PLEKHM3: variants seen among roughly 807,000 people sequenced by gnomAD.
The protein encoded by PLEKHM3 is pleckstrin homology domain-containing family M member 3.
A neutral mutation model predicts 81.8 loss-of-function variants in PLEKHM3; 45 were observed. The observed-to-expected ratio is 0.55, with a 90% CI of 0.43 to 0.71. PLEKHM3 has a LOEUF of 0.71. Among genes scored for constraint, PLEKHM3 ranks in the 30% least tolerant of loss-of-function variants. The pLI, the probability that PLEKHM3 is intolerant of heterozygous loss-of-function variation, is 0.00. For missense variants in PLEKHM3, 788 were observed against 924.3 expected (o/e 0.85, Z 1.91); for synonymous variants, 352 against 356.4 (o/e 0.99, Z 0.14).
chr2:207,958,624 T>C (rs1485666930), intron 3 of PLEKHM3, among the ~76,000 whole-genome samples: 1 of 152,112 alleles, frequency 6.6e-6, no homozygotes, highest in Non-Finnish European at 1.5e-5. Flanking sequence ...TTAAATAAAC[T>C]CTTGACTGGA....
At chr2:207,946,601 A>G (rs1180432089) in intron 3 of PLEKHM3, 89 bp from the exon 4 acceptor site, 4 of 1,484,436 alleles carry the variant, frequency 2.7e-6, no homozygotes, top group Non-Finnish European at 3.6e-6. Context: ...TCACAGAACA[A>G]GGTTATATTT....
chr2:207,859,423 C>T (rs1001235949), intron 7 of PLEKHM3, among the ~76,000 whole-genome samples: 1 of 151,950 alleles, frequency 6.6e-6, no homozygotes, highest in African/African-American at 2.4e-5. Flanking sequence ...CAGGTGTGAG[C>T]CACCACGCCC....
intron 7 of PLEKHM3, among the ~76,000 whole-genome samples, chr2:207,828,906 A>G (rs729187): frequency 0.67 from 102,164 of 152,022 alleles, 34,964 homozygotes; most frequent in African/African-American, 0.79. Context: ...CGTTACATCC[A>G]TGGCGAGGCA....
At chr2:208,018,974 C>T (rs1158464560) in intron 1 of PLEKHM3, among the ~76,000 whole-genome samples, 1 of 151,198 alleles carries the variant, frequency 6.6e-6, no homozygotes, top group Non-Finnish European at 1.5e-5. Context: ...GATTGTGCCA[C>T]TGCATCTCAC....
intron 5 of PLEKHM3, among the ~76,000 whole-genome samples, chr2:207,927,199 T>A (rs1689423264): frequency 6.6e-6 from 1 of 152,064 alleles, no homozygotes; most frequent in Non-Finnish European, 1.5e-5. Context: ...CTGTTTAAAC[T>A]CCCCCACTTT....
intron 3 of PLEKHM3, among the ~76,000 whole-genome samples, chr2:207,965,592 T>C (rs948692493): frequency 6.6e-6 from 1 of 152,240 alleles, no homozygotes. Context: ...CCTACTTATA[T>C]AAAGTGATCA....
rs1691307207 is a variant in PLEKHM3 at position 207,976,326 on chromosome 2, A to G, written c.1546+325T>C. On this transcript the variant is annotated intron_variant, in intron 3 of 7. Transcript: ENST00000427836. The surrounding 1 kb of genome is among the most constrained non-coding windows in gnomAD (Gnocchi z 4.1). ...ATTCACAGTGACCTTTATTCAAGAAAGCAGAGGGAATGGAATCACAGCCGA... is the reference window on the plus strand; with the variant it reads ...ATTCACAGTGACCTTTATTCAAGAAGGCAGAGGGAATGGAATCACAGCCGA... Among the ~76,000 whole-genome samples the G allele has an allele frequency of 6.6e-6, 1 of 152,236 alleles. No individual in the cohort carries two copies. The highest frequency in any genetic ancestry group is 2.1e-4 in the South Asian group (1 of 4,830).
chr2:208,022,404 T>C (rs1405016399), intron 1 of PLEKHM3, among the ~76,000 whole-genome samples: 1 of 152,186 alleles, frequency 6.6e-6, no homozygotes, highest in Non-Finnish European at 1.5e-5. Context: ...GCTCAGAGTC[T>C]CTCACACAAG....
Position 208,001,247 on chromosome 2 carries a change from A to G in PLEKHM3, c.393T>C (p.Arg131=). 6.2e-7 allele frequency: 1 copy of G among 1,614,192 alleles called. No homozygotes were observed. The highest frequency in any genetic ancestry group is 1.1e-5 in the South Asian group (1 of 91,086). The change falls in exon 2 of 8, where the codon CGT becomes CGC. Residue 131 remains arginine (R), a synonymous_variant. Transcript: ENST00000427836. The part of the protein sequence containing the change: ...NICQRRRDRP[R]SVNDLLDETS... Reference sequence around the variant, plus strand: ...TCTCATCCAGTAAGTCATTTACAGAACGAGGCCGGTCCCTCCGACGCTGAC... The same window carrying G: ...TCTCATCCAGTAAGTCATTTACAGAGCGAGGCCGGTCCCTCCGACGCTGAC...
intron 1 of PLEKHM3, among the ~76,000 whole-genome samples, chr2:208,004,476 TA>T (rs1196268261): frequency 6.6e-6 from 1 of 152,128 alleles, no homozygotes; most frequent in East Asian, 1.9e-4. Context: ...GGAATACTTC[TA>T]ACCCACATGG....
intron 3 of PLEKHM3, among the ~76,000 whole-genome samples, chr2:207,952,254 TA>T (rs1318159662): frequency 6.6e-6 from 1 of 152,196 alleles, no homozygotes; most frequent in Non-Finnish European, 1.5e-5. Flanking sequence ...ATGCACTAAG[TA>T]GGGAGAGATG....
At chr2:207,908,691 C>T in intron 5 of PLEKHM3, 114 bp from the exon 6 acceptor site, 3 of 865,090 alleles carry the variant, frequency 3.5e-6, no homozygotes, top group South Asian at 1.7e-5. Flanking sequence ...CCACTTTCCA[C>T]CTATACTTCT....
At chr2:208,000,516 A>G (rs1692260467) in intron 2 of PLEKHM3, among the ~76,000 whole-genome samples, 1 of 152,026 alleles carries the variant, frequency 6.6e-6, no homozygotes, top group African/African-American at 2.4e-5. Context: ...TGGCCCATCT[A>G]TTGTCTCTCA....
chr2:207,872,076 C>A (rs1381299652), intron 6 of PLEKHM3, among the ~76,000 whole-genome samples: 1 of 152,130 alleles, frequency 6.6e-6, no homozygotes, highest in Non-Finnish European at 1.5e-5. Context: ...TGAGCTCTAC[C>A]TAAGATCACC....
At chr2:207,869,874 T>C (rs958114621) in intron 6 of PLEKHM3, 2 of 152,282 alleles carry the variant, frequency 1.3e-5, no homozygotes, top group African/African-American at 4.8e-5. Context: ...ATACACACAT[T>C]TTGCCTCCCT....
At chr2:207,958,824 C>T (rs573423763) in intron 3 of PLEKHM3, among the ~76,000 whole-genome samples, 2 of 152,232 alleles carry the variant, frequency 1.3e-5, no homozygotes, top group East Asian at 1.9e-4. Flanking sequence ...GCAGGAAAAT[C>T]GTTTGAGCCC....
At chr2:207,855,407 C>T (rs1296988956) in intron 7 of PLEKHM3, among the ~76,000 whole-genome samples, 1 of 152,064 alleles carries the variant, frequency 6.6e-6, no homozygotes, top group Non-Finnish European at 1.5e-5. Context: ...TATAAATAAA[C>T]AACTAAAAAA....
chr2:207,955,626 G>A (rs1574440545), intron 3 of PLEKHM3, among the ~76,000 whole-genome samples: 1 of 152,246 alleles, frequency 6.6e-6, no homozygotes, highest in East Asian at 1.9e-4. Context: ...AAGAAACTGA[G>A]GCAGAAGATG....
intron 2 of PLEKHM3, among the ~76,000 whole-genome samples, chr2:207,993,049 T>C (rs1329561831): frequency 6.6e-6 from 1 of 152,112 alleles, no homozygotes; most frequent in Admixed American, 6.6e-5. Context: ...ATGAAAAGAT[T>C]TGTGTTTTAG....
Sources: allele counts gnomAD v4.1 joint callset (sites outside exome capture counted in the v4.1 genomes callset), GRCh38; gene constraint gnomAD v4.1.1; non-coding constraint Gnocchi (gnomAD v3.1); transcripts MANE v1.5; gene names NCBI Gene and HGNC (gene_info 2026-07-23, HGNC 2026-07-21).